The following MAP3K7 variants were observed in gnomAD, a reference collection of about 807,000 sequenced individuals.
The protein encoded by MAP3K7 is TGF-beta activated kinase 1.
MAP3K7 carries 21 observed loss-of-function variants against 84.8 expected under a neutral mutation model. The ratio of observed to expected loss-of-function variants is 0.25; its 90% CI spans 0.18 to 0.36. The LOEUF (loss-of-function observed/expected upper bound fraction) is 0.36. Ranked by LOEUF, MAP3K7 falls within the 10% of genes least tolerant of loss-of-function variation. The pLI, the probability that MAP3K7 is intolerant of heterozygous loss-of-function variation, is 1.00. For missense variants in MAP3K7, 503 were observed against 747.7 expected (o/e 0.67, Z 3.82); for synonymous variants, 241 against 247.7 (o/e 0.97, Z 0.25).
At chr6:90,554,175 G>A (rs538419424) in intron 6 of MAP3K7, among the ~76,000 whole-genome samples, 7 of 152,236 alleles carry the variant, frequency 4.6e-5, no homozygotes, top group South Asian at 2.1e-4. Flanking sequence ...CCGAGGCGCT[G>A]GGATCACAGG....
intron 1 of MAP3K7, among the ~76,000 whole-genome samples, chr6:90,576,239 C>T (rs1180777839): frequency 5.9e-5 from 9 of 151,772 alleles, no homozygotes; most frequent in African/African-American, 1.7e-4. Context: ...CTGGCTAACA[C>T]GGTGAAACCC....
chr6:90,566,868 T>C (rs1489976430), intron 3 of MAP3K7, among the ~76,000 whole-genome samples: 1 of 152,056 alleles, frequency 6.6e-6, no homozygotes, highest in Non-Finnish European at 1.5e-5. Context: ...AACAGAGATA[T>C]AGACCAATGG....
Position 90,566,844 on chromosome 6 carries a change from G to A in MAP3K7, c.297+1714C>T, listed in dbSNP as rs1352200799. Among the ~76,000 whole-genome samples, 26 of 152,138 alleles carry A rather than the reference G, an allele frequency of 1.7e-4. No individual in the cohort carries two copies. The South Asian group carries it at 2.9e-3, about 17-fold the overall frequency. On this transcript the variant is annotated intron_variant, in intron 3 of 16. Coordinates refer to ENST00000369329, the MANE Select transcript of MAP3K7 (RefSeq NM_145331.3). ...AAGGCTACAGTAACCAAAACAGCAC[G>A]GTACTGGTACCAAAACAGAGATATA...
At chr6:90,577,686 T>C (rs1777133601) in intron 1 of MAP3K7, among the ~76,000 whole-genome samples, 2 of 152,206 alleles carry the variant, frequency 1.3e-5, no homozygotes, top group African/African-American at 4.8e-5. Flanking sequence ...AGTGAAAGCA[T>C]ATGCCAGTGG....
chr6:90,579,084 G>A (rs16883216), intron 1 of MAP3K7, among the ~76,000 whole-genome samples: 1 of 152,094 alleles, frequency 6.6e-6, no homozygotes, highest in Non-Finnish European at 1.5e-5. Context: ...TATGTTTCAT[G>A]GTGCCAACAA....
chr6:90,533,937 C>T (rs776675064), intron 13 of MAP3K7, among the ~76,000 whole-genome samples: 8 of 152,230 alleles, frequency 5.3e-5, no homozygotes, highest in Non-Finnish European at 1.2e-4. Flanking sequence ...AATGAAAAAA[C>T]CATGTTTGAA....
chr6:90,536,395 C>CCGGA lies in MAP3K7; in HGVS notation c.1297_1298insTCCG (p.Gly433ValfsTer7). 1 of 1,611,602 alleles carries CCGGA rather than the reference C, an allele frequency of 6.2e-7. No individual in the cohort carries two copies. The highest frequency in any genetic ancestry group is 8.5e-7 in the Non-Finnish European group (1 of 1,178,328). ...TTGGATGGATCTACGTCTTGGCTGT[C>CCGGA]CGTTGCCTTTAAAAAGAAGAAAAAA... On this transcript the variant is annotated frameshift_variant, in exon 13 of 17. Transcript: ENST00000369329. LOFTEE classifies it high-confidence loss of function.
intron 1 of MAP3K7, among the ~76,000 whole-genome samples, chr6:90,579,220 G>A (rs933241257): frequency 8.5e-5 from 13 of 152,172 alleles, no homozygotes; most frequent in Admixed American, 2.6e-4. Flanking sequence ...GATTTTAGCT[G>A]TTTAGAAGGG....
In MAP3K7 at chr6:90,526,801, A is replaced by C. The variant is rs1184533712; in HGVS notation, c.1357-3018T>G. On this transcript the variant is annotated intron_variant, in intron 13 of 16. Coordinates refer to ENST00000369329, the MANE Select transcript of MAP3K7 (RefSeq NM_145331.3). ...AGCACAGAGGAGGGTTTTACAGGTA[A>C]GTTCTATCAAACATTCAAGATAAGG... Among the ~76,000 whole-genome samples the C allele has an allele frequency of 2.6e-5, 4 of 152,232 alleles. No homozygotes were observed. The East Asian group carries it at 7.7e-4, about 29-fold the overall frequency.
chr6:90,559,180 G>A (rs1302727706), intron 5 of MAP3K7, among the ~76,000 whole-genome samples: 1 of 152,188 alleles, frequency 6.6e-6, no homozygotes, highest in African/African-American at 2.4e-5. Flanking sequence ...TGGGAGTAGA[G>A]ATAAGATACA....
intron 16 of MAP3K7, among the ~76,000 whole-genome samples, chr6:90,517,094 CT>C (rs1305689952): frequency 1.3e-5 from 2 of 151,830 alleles, no homozygotes; most frequent in Non-Finnish European, 2.9e-5. Context: ...TCCTACTTAA[CT>C]ATAGCAGAGA....
rs538629369 is a variant in MAP3K7 at position 90,544,152 on chromosome 6, G to A, written c.1291+400C>T. ...AGGTTAGGACAGAAAGTCTAGAGGG[G>A]ACCCAAAAAGCAGTAACTGAGGAAG... On this transcript the variant is annotated intron_variant, in intron 12 of 16. Coordinates refer to ENST00000369329, the MANE Select transcript of MAP3K7 (RefSeq NM_145331.3). 6.6e-5 allele frequency among the ~76,000 whole-genome samples: 10 copies of A among 152,142 alleles called. No individual in the cohort carries two copies. The South Asian group carries it at 2.1e-3, about 32-fold the overall frequency.
chr6:90,538,160 C>G (rs1274471018), intron 12 of MAP3K7, among the ~76,000 whole-genome samples: 2 of 151,892 alleles, frequency 1.3e-5, no homozygotes, highest in African/African-American at 4.8e-5. Context: ...TTAGCACAAC[C>G]ATGGCAGAAA....
In MAP3K7 at chr6:90,586,841, C is replaced by A. The variant is rs772116030; in HGVS notation, c.43G>T (p.Ala15Ser). The change falls in exon 1 of 17, where the codon GCC becomes TCC. Residue 15 changes from alanine to serine, a missense_variant. Around this residue, in one of 5 missense-constraint regions of MAP3K7, gnomAD observed 41 missense variants for 41.4 expected, o/e 0.99. Coordinates refer to ENST00000369329, the MANE Select transcript of MAP3K7 (RefSeq NM_145331.3). ...SAASSSSSSS[A>S]GEMIEAPSQV... ...GAAGGGGCTTCGATCATCTCACCGGCCGAAGACGAGGAGGAGGAGGAGGCG... is the reference window on the plus strand; with the variant it reads ...GAAGGGGCTTCGATCATCTCACCGGACGAAGACGAGGAGGAGGAGGAGGCG... 17 of 1,610,836 alleles carry A rather than the reference C, an allele frequency of 1.1e-5. No homozygotes were observed. The African/African-American group carries it at 2.3e-4, about 22-fold the overall frequency.
At chr6:90,543,760 G>A (rs891036423) in intron 12 of MAP3K7, among the ~76,000 whole-genome samples, 1 of 151,958 alleles carries the variant, frequency 6.6e-6, no homozygotes, top group African/African-American at 2.4e-5. Context: ...AGCCTAAAGG[G>A]ATAAATAAAT....
At chr6:90,584,320 G>A (rs1777373016) in intron 1 of MAP3K7, among the ~76,000 whole-genome samples, 1 of 152,120 alleles carries the variant, frequency 6.6e-6, no homozygotes, top group Non-Finnish European at 1.5e-5. Context: ...GAAGATGATG[G>A]AAATTATGTA....
intron 1 of MAP3K7, among the ~76,000 whole-genome samples, chr6:90,585,525 A>C (rs1777416422): frequency 6.6e-6 from 1 of 152,224 alleles, no homozygotes; most frequent in African/African-American, 2.4e-5. Flanking sequence ...AATAAATTTA[A>C]AAAATGGCAA....
intron 14 of MAP3K7, among the ~76,000 whole-genome samples, chr6:90,521,759 T>G (rs1321426275): frequency 1.3e-5 from 2 of 152,078 alleles, no homozygotes; most frequent in East Asian, 3.9e-4. Context: ...GATCTCTCTC[T>G]CACTAGATCC....
At position 90,513,963 on chromosome 6, in the gene MAP3K7, ATT is replaced by A. The variant is rs1774879967; in HGVS notation, c.*2536_*2537del. The A allele has an allele frequency of 6.6e-6, 1 of 152,070 alleles. No homozygotes were observed. The highest frequency in any genetic ancestry group is 2.4e-5 in the African/African-American group (1 of 41,426). The allele number at this position is 152,070 out of a possible 1,614,324, so 9.4% of individuals were successfully genotyped here. The stretch of plus-strand genomic sequence containing the variant: ...GCTATGCGGTAAATATTCTTAACTG[ATT>A]ATTATTCAACTCAAAAAAGTGATTT... On this transcript the variant is annotated 3_prime_UTR_variant, in exon 17 of 17. Transcript: ENST00000369329.
Sources: allele counts gnomAD v4.1 joint callset (sites outside exome capture counted in the v4.1 genomes callset), GRCh38; gene constraint gnomAD v4.1.1; regional missense constraint gnomAD v4.1.1; transcripts MANE v1.5; gene names NCBI Gene and HGNC (gene_info 2026-07-23, HGNC 2026-07-21).